The following CAMTA1 variants were observed in gnomAD, a reference collection of about 807,000 sequenced individuals.
CAMTA1 encodes calmodulin binding transcription activator 1.
A neutral mutation model predicts 170.9 loss-of-function variants in CAMTA1; 27 were observed. The ratio of observed to expected loss-of-function variants is 0.16; its 90% CI spans 0.12 to 0.22. The LOEUF (loss-of-function observed/expected upper bound fraction) is 0.22, where lower values mean the gene tolerates loss of function less well. Among genes scored for constraint, CAMTA1 ranks in the 10% least tolerant of loss-of-function variants. The pLI is 1.00. For missense variants in CAMTA1, 1,619 were observed against 2,217.2 expected, an observed-to-expected ratio of 0.73 and a Z score of 5.42; for synonymous variants, 833 against 891.5, an observed-to-expected ratio of 0.93 and a Z score of 1.17.
chr1:7,107,419 GA>G (rs1037153289), intron 4 of CAMTA1, among the ~76,000 whole-genome samples: 2 of 152,108 alleles, frequency 1.3e-5, no homozygotes, highest in African/African-American at 4.8e-5. Context: ...ATTTCAATCA[GA>G]AAACCGTGAA....
chr1:7,680,868 CAGCAG>C lies in CAMTA1; in HGVS notation c.2914+3136_2914+3140del, dbSNP rs1181911827. 7.2e-5 allele frequency among the ~76,000 whole-genome samples: 10 copies of C among 139,596 alleles called. No homozygotes were observed. Among genetic ancestry groups the C allele is most frequent in the South Asian group, 2.4e-4 (1 of 4,116 alleles). 91.6% of individuals were successfully genotyped at this position (139,596 alleles called of 152,430 possible). On this transcript the variant is annotated intron_variant, in intron 11 of 22. Coordinates refer to ENST00000303635, the MANE Select transcript of CAMTA1 (RefSeq NM_015215.4). This position sits in a 1 kb window ranked among gnomAD's most constrained non-coding sequence, Gnocchi z 4.4. ...CGCGCGCGCGCGCGCGCGCCAGCAG[CAGCAG>C]CAGCAGCAGCTGCTGCGGCGAAGTC...
chr1:7,536,178 G>A (rs1208593783), intron 6 of CAMTA1, among the ~76,000 whole-genome samples: 1 of 152,136 alleles, frequency 6.6e-6, no homozygotes, highest in South Asian at 2.1e-4. Flanking sequence ...GTCATCGTGT[G>A]TATTAAGTGA....
intron 4 of CAMTA1, among the ~76,000 whole-genome samples, chr1:7,188,538 C>T (rs1653908762): frequency 6.6e-6 from 1 of 152,174 alleles, no homozygotes; most frequent in Non-Finnish European, 1.5e-5. Flanking sequence ...ACTCCAGGGA[C>T]CTCATACAAG....
chr1:7,137,837 C>T (rs946258169), intron 4 of CAMTA1, among the ~76,000 whole-genome samples: 2 of 152,206 alleles, frequency 1.3e-5, no homozygotes, highest in Non-Finnish European at 2.9e-5. Flanking sequence ...CTCTCCATCT[C>T]CCTCCTCTCC....
At chr1:6,888,118 G>A in intron 3 of CAMTA1, 1 of 979,100 alleles carries the variant, frequency 1.0e-6, no homozygotes, top group Non-Finnish European at 1.2e-6. Context: ...ATGAGAGCAG[G>A]GCCTTTGTCT....
At position 7,591,675 on chromosome 1, in the gene CAMTA1, C is replaced by T. The variant is rs557318363; in HGVS notation, c.511-48725C>T. ...GTTCTCAGGGTGAAATCCAAGTTAC[C>T]ACTCTGGCCAGAATGCGCCCTGCAC... is the stretch of plus-strand genomic sequence containing the variant. On this transcript the variant is annotated intron_variant, in intron 6 of 22. Transcript: ENST00000303635. 2.6e-5 allele frequency among the ~76,000 whole-genome samples: 4 copies of T among 152,292 alleles called. No homozygotes were observed. In the East Asian group the frequency reaches 7.7e-4, roughly 29 times the overall value.
chr1:7,008,257 A>G (rs551161829), intron 3 of CAMTA1: 37 of 152,540 alleles, frequency 2.4e-4, no homozygotes, highest in African/African-American at 8.7e-4. Flanking sequence ...GCTTGCTGCA[A>G]TTAGAGAAAG....
intron 3 of CAMTA1, among the ~76,000 whole-genome samples, chr1:7,086,551 A>G (rs1411672345): frequency 1.3e-5 from 2 of 152,166 alleles, no homozygotes; most frequent in Admixed American, 6.5e-5. Context: ...CCCGACACCC[A>G]TCAGCCATAA....
At chr1:7,464,895 C>T (rs998796572) in intron 5 of CAMTA1, among the ~76,000 whole-genome samples, 1 of 152,108 alleles carries the variant, frequency 6.6e-6, no homozygotes, top group African/African-American at 2.4e-5. Context: ...ATCTCCCACC[C>T]CAGGCAGGCT....
chr1:7,065,650 G>A lies in CAMTA1; in HGVS notation c.235-25654G>A, dbSNP rs1246510684. On this transcript the variant is annotated intron_variant, in intron 3 of 22. Transcript: ENST00000303635. This position sits in a 1 kb window ranked among gnomAD's most constrained non-coding sequence, Gnocchi z 5.2. ...AGGAGGGAAGAGAGAGGAGACAGCTGCACCTTGTTGGAGTCCATGTCAGCT... is the reference window on the plus strand; with the variant it reads ...AGGAGGGAAGAGAGAGGAGACAGCTACACCTTGTTGGAGTCCATGTCAGCT... Among the ~76,000 whole-genome samples the A allele has an allele frequency of 1.3e-5, 1 of 78,260 alleles. No individual in the cohort carries two copies. Among genetic ancestry groups the A allele is most frequent in the Non-Finnish European group, 2.5e-5 (1 of 40,422 alleles). The allele number at this position is 78,260 out of a possible 152,430, so 51.3% of individuals were successfully genotyped here. A position where few individuals can be genotyped will look rare whatever the true frequency, so the allele number is the denominator to read the frequency against.
chr1:7,726,342 A>C (rs1260756789), intron 11 of CAMTA1, among the ~76,000 whole-genome samples: 1 of 151,984 alleles, frequency 6.6e-6, no homozygotes, highest in Non-Finnish European at 1.5e-5. Context: ...ATTCACCTAT[A>C]CACCCCGCAG....
intron 5 of CAMTA1, among the ~76,000 whole-genome samples, chr1:7,404,233 C>T (rs1008931185): frequency 2.6e-5 from 4 of 152,200 alleles, no homozygotes; most frequent in Admixed American, 2.0e-4. Context: ...GCTCTGGACC[C>T]GTTTCTGAAC....
chr1:7,696,695 GC>G (rs959224242), intron 11 of CAMTA1, among the ~76,000 whole-genome samples: 2 of 152,050 alleles, frequency 1.3e-5, no homozygotes, highest in African/African-American at 4.8e-5. Flanking sequence ...GTTGACTGTA[GC>G]CCCACAGGAC....
intron 19 of CAMTA1, among the ~76,000 whole-genome samples, chr1:7,750,378 T>C (rs2096888065): frequency 6.6e-6 from 1 of 152,236 alleles, no homozygotes; most frequent in African/African-American, 2.4e-5. Context: ...GTTGCCGTCT[T>C]ATAAGCAAAG....
intron 6 of CAMTA1, among the ~76,000 whole-genome samples, chr1:7,560,825 G>C (rs974943297): frequency 6.6e-6 from 1 of 151,968 alleles, no homozygotes; most frequent in Non-Finnish European, 1.5e-5. Flanking sequence ...GTGGGGAAGA[G>C]AGAACACACA....
chr1:7,474,149 G>A (rs756135486), intron 6 of CAMTA1, among the ~76,000 whole-genome samples: 2 of 127,138 alleles, frequency 1.6e-5, no homozygotes, highest in Non-Finnish European at 3.5e-5. Context: ...TTAGCTGTGT[G>A]ACACTGGGCA....
chr1:6,835,488 G>C (rs1167831368), intron 3 of CAMTA1, among the ~76,000 whole-genome samples: 2 of 152,210 alleles, frequency 1.3e-5, no homozygotes, highest in Non-Finnish European at 2.9e-5. Flanking sequence ...ATTTAGGCTT[G>C]AGCTGGAGTC....
At chr1:7,558,043 G>C (rs2094903566) in intron 6 of CAMTA1, among the ~76,000 whole-genome samples, 1 of 152,176 alleles carries the variant, frequency 6.6e-6, no homozygotes, top group Non-Finnish European at 1.5e-5. Flanking sequence ...GCATCCTGAG[G>C]TAAAGTGATA....
chr1:7,500,608 G>T (rs557590730), intron 6 of CAMTA1, among the ~76,000 whole-genome samples: 3 of 152,178 alleles, frequency 2.0e-5, no homozygotes, highest in Non-Finnish European at 4.4e-5. Context: ...GCCCGCTTCT[G>T]TAGCAGCAGC....
Sources: gnomAD v4.1 joint callset for allele counts (sites outside exome capture counted in the v4.1 genomes callset) on GRCh38, gnomAD v4.1.1 for gene constraint, Gnocchi (gnomAD v3.1) non-coding constraint, MANE v1.5 for transcripts, NCBI Gene and HGNC (gene_info 2026-07-23, HGNC 2026-07-21) for gene names.